Variants in PRRG2 observed in about 807,000 individuals in gnomAD.
PRRG2 encodes the protein transmembrane gamma-carboxyglutamic acid protein 2.
Under a neutral mutation model 27.1 loss-of-function variants are expected in PRRG2, and 23 were observed. The observed-to-expected ratio is 0.85, with a 90% CI of 0.61 to 1.20. The LOEUF (loss-of-function observed/expected upper bound fraction) is 1.20, where lower values mean the gene tolerates loss of function less well. Among genes scored for constraint, PRRG2 ranks in the 50% most tolerant of loss-of-function variants. The pLI is 0.00. For missense variants in PRRG2, 276 were observed against 254.8 expected, an observed-to-expected ratio of 1.08 and a Z score of -0.57; for synonymous variants, 104 against 103.4, an observed-to-expected ratio of 1.01 and a Z score of -0.03.
At chr19:49,584,316 A>G (rs1338788296) in intron 4 of PRRG2, among the ~76,000 whole-genome samples, 8 of 151,648 alleles carry the variant, frequency 5.3e-5, no homozygotes, top group South Asian at 2.1e-4. Flanking sequence ...GACTACAGGC[A>G]CCCACCACCA....
chr19:49,580,924 C>T (rs2080617486), upstream of PRRG2, among the ~76,000 whole-genome samples: 1 of 152,100 alleles, frequency 6.6e-6, no homozygotes. Context: ...CATCTTAAAA[C>T]AATTGAGAAG....
chr19:49,590,038 A>AC lies in PRRG2; in HGVS notation c.582dup (p.Tyr195LeufsTer126). The AC allele has an allele frequency of 1.3e-6, 2 of 1,490,576 alleles. No individual in the cohort carries two copies. The highest frequency in any genetic ancestry group is 2.4e-4 in the Middle Eastern group (1 of 4,186). 92.3% of individuals were successfully genotyped at this position (1,490,576 alleles called of 1,614,324 possible). A position where few individuals can be genotyped will look rare whatever the true frequency, so the allele number is the denominator to read the frequency against. On this transcript the variant is annotated frameshift_variant, in exon 6 of 7. Transcript: ENST00000246794. LOFTEE classifies it high-confidence loss of function. ...CCTCTGGGGTACACGACGCACCTCC[A>AC]CCCCCCTACACCAGGTATGGGGCGT...
At chr19:49,581,174 G>A (rs542757741), upstream of PRRG2, among the ~76,000 whole-genome samples, 1 of 152,080 alleles carries the variant, frequency 6.6e-6, no homozygotes, top group Non-Finnish European at 1.5e-5. Flanking sequence ...GGAGGAGGAG[G>A]GTCGAATCTA....
intron 4 of PRRG2, among the ~76,000 whole-genome samples, chr19:49,584,972 C>A (rs551348691): frequency 3.0e-4 from 46 of 152,310 alleles, no homozygotes; most frequent in African/African-American, 9.1e-4. Context: ...AGGGAGGAAG[C>A]CTGCCCATCC....
At chr19:49,582,802 A>G (rs1294332376) in intron 1 of PRRG2, among the ~76,000 whole-genome samples, 1 of 151,880 alleles carries the variant, frequency 6.6e-6, no homozygotes, top group Non-Finnish European at 1.5e-5. Flanking sequence ...TGGGGGGTGG[A>G]GTGTGCAGTG....
chr19:49,583,825 A>C, intron 3 of PRRG2, 88 bp from the exon 4 acceptor site: 1 of 1,603,350 alleles, frequency 6.2e-7, no homozygotes, highest in Non-Finnish European at 8.5e-7. Context: ...TTGGTGTCTC[A>C]GAAATCAGGA....
At position 49,583,212 on chromosome 19, in the gene PRRG2, T is replaced by C. The variant is rs2080641378; in HGVS notation, c.-8T>C. 1 of 1,613,560 alleles carries C rather than the reference T, an allele frequency of 6.2e-7. No homozygotes were observed. Among genetic ancestry groups the C allele is most frequent in the Admixed American group, 1.7e-5 (1 of 59,996 alleles). On this transcript the variant is annotated 5_prime_UTR_variant, in exon 2 of 7. Transcript: ENST00000246794. Reference sequence around the variant, plus strand: ...TGTAACAAACCTGGTTCTAGGTGTCTGGAAAATATGAGGGGCCACCCCTCT... The same window carrying C: ...TGTAACAAACCTGGTTCTAGGTGTCCGGAAAATATGAGGGGCCACCCCTCT...
chr19:49,586,676 C>T (rs938678043), intron 4 of PRRG2, among the ~76,000 whole-genome samples: 1 of 152,082 alleles, frequency 6.6e-6, no homozygotes, highest in Non-Finnish European at 1.5e-5. Flanking sequence ...CATAGTGAAA[C>T]CCCGTCTCTA....
At position 49,589,941 on chromosome 19, in the gene PRRG2, G is replaced by T; in HGVS notation, c.479G>T (p.Gly160Val). 6.2e-7 allele frequency: 1 copy of T among 1,609,608 alleles called. No individual in the cohort carries two copies. Reference sequence around the variant, plus strand: ...CCTCTGAGTCCTTTGAACCCTCTGGGCCCACCGACGCCCCTGCCTCCACCC... The same window carrying T: ...CCTCTGAGTCCTTTGAACCCTCTGGTCCCACCGACGCCCCTGCCTCCACCC... ...ISPLSPLNPL[G>V]PPTPLPPPPP... is the part of the protein sequence containing the mutation. Residue 160 changes from glycine to valine, a missense_variant, in exon 6 of 7, where the codon GGC becomes GTC. Gly to Val is a moderately radical substitution (Grantham distance 109, BLOSUM62 -3). Coordinates refer to ENST00000246794, the MANE Select transcript of PRRG2 (RefSeq NM_000951.3).
At chr19:49,581,673 G>A (rs2080624975) in intron 1 of PRRG2, among the ~76,000 whole-genome samples, 192 bp downstream of exon 1, 2 of 152,270 alleles carry the variant, frequency 1.3e-5, no homozygotes, top group Admixed American at 6.5e-5. Context: ...TTGTCTGTGG[G>A]TGGATGTGAC....
chr19:49,590,737 T>C lies in PRRG2; in HGVS notation c.*348T>C. The C allele has an allele frequency of 2.7e-6, 1 of 363,636 alleles. No individual in the cohort carries two copies. 22.5% of individuals were successfully genotyped at this position (363,636 alleles called of 1,614,324 possible). On this transcript the variant is annotated 3_prime_UTR_variant, in exon 7 of 7. Transcript: ENST00000246794. ...ATCTTGTGTATGGGCAGATATGACC[T>C]GACAGCCCCCTCCAGTGCCACAGGG...
Position 49,588,479 on chromosome 19 carries a change from T to A in PRRG2, c.302-18T>A. On this transcript the variant is annotated intron_variant, in intron 4 of 6. Transcript: ENST00000246794. ...GCAGTCCCCGAGACAGTGTCTCCCC[T>A]TCCCTACTTTCCTGCAGGGCGTGGA... 6.3e-7 allele frequency: 1 copy of A among 1,584,416 alleles called. No homozygotes were observed. The highest frequency in any genetic ancestry group is 1.2e-5 in the South Asian group (1 of 86,492).
chr19:49,584,047 A>G (rs1456396753), intron 4 of PRRG2, 95 bp downstream of exon 4: 9 of 1,315,748 alleles, frequency 6.8e-6, no homozygotes, highest in Admixed American at 2.4e-5. Context: ...AATTAGGTAC[A>G]AGAATCGTCT....
At chr19:49,589,426 CT>C (rs398059803) in intron 5 of PRRG2, among the ~76,000 whole-genome samples, 10,331 of 132,252 alleles carry the variant, frequency 0.078, 961 homozygotes, top group African/African-American at 0.24. Flanking sequence ...ACGCCTGGCC[CT>C]TTTTTTTTTT....
chr19:49,585,900 T>A, intron 4 of PRRG2, among the ~76,000 whole-genome samples: 1 of 151,502 alleles, frequency 6.6e-6, no homozygotes. Flanking sequence ...GTCAACATGG[T>A]GAAACCCCAT....
chr19:49,589,446 T>TA lies in PRRG2; in HGVS notation c.438-447dup, dbSNP rs1489312333. Among the ~76,000 whole-genome samples, 196 of 116,838 alleles carry TA rather than the reference T, an allele frequency of 1.7e-3. 2 individuals carry two copies. The highest frequency in any genetic ancestry group is 4.5e-3 in the Middle Eastern group (1 of 220). 76.7% of individuals were successfully genotyped at this position (116,838 alleles called of 152,430 possible). On this transcript the variant is annotated intron_variant, in intron 5 of 6. Coordinates refer to ENST00000246794, the MANE Select transcript of PRRG2 (RefSeq NM_000951.3). ...TGGCCCTTTTTTTTTTTTTTTTTTT[T>TA]AAAAAAAGACAAAGTCTCACTCTGT...
Position 49,589,984 on chromosome 19 carries a change from C to A in PRRG2, c.522C>A (p.Gly174=). 2 of 1,536,870 alleles carry A rather than the reference C, an allele frequency of 1.3e-6. No homozygotes were observed. The highest frequency in any genetic ancestry group is 8.7e-7 in the Non-Finnish European group (1 of 1,146,072). ...CTCCACCCCCACCCCCACCCCCAGG[C>A]CTCCCCACCTATGAGCAGGCGCTGG... ...PLPPPPPPPP[G]LPTYEQALAA... is the part of the protein sequence containing the mutation. Residue 174 remains glycine (G), a synonymous_variant, in exon 6 of 7, where the codon GGC becomes GGA. Coordinates refer to ENST00000246794, the MANE Select transcript of PRRG2 (RefSeq NM_000951.3).
intron 4 of PRRG2, among the ~76,000 whole-genome samples, chr19:49,587,479 A>AT (rs1258876937): frequency 0.022 from 2,538 of 114,576 alleles, 78 homozygotes; most frequent in African/African-American, 0.067. Context: ...AGCCTGGTTA[A>AT]TTTTTTTTTT....
Position 49,590,367 on chromosome 19 carries a change from G to A in PRRG2, c.591-4G>A. The A allele has an allele frequency of 6.2e-7, 1 of 1,614,128 alleles. No homozygotes were observed. Among genetic ancestry groups the A allele is most frequent in the Non-Finnish European group, 8.5e-7 (1 of 1,180,010 alleles). On this transcript the variant is annotated splice_region_variant and splice_polypyrimidine_tract_variant and intron_variant, in intron 6 of 6. Transcript: ENST00000246794. ...GACTCCCTAGTGTGCCTTTCCTCTTGCAGCCTCAGGAGGCCTCACTGAAGA... is the reference window on the plus strand; with the variant it reads ...GACTCCCTAGTGTGCCTTTCCTCTTACAGCCTCAGGAGGCCTCACTGAAGA...
Sources: allele counts gnomAD v4.1 joint callset (sites outside exome capture counted in the v4.1 genomes callset), GRCh38; gene constraint gnomAD v4.1.1; transcripts MANE v1.5; gene names NCBI Gene and HGNC (gene_info 2026-07-23, HGNC 2026-07-21).